PRH1: variants seen among roughly 807,000 people sequenced by gnomAD.
PRH1 encodes proline rich protein HaeIII subfamily 1.
A neutral mutation model predicts 7.9 loss-of-function variants in PRH1; 7 were observed. That is an observed-to-expected ratio of 0.89 (90% CI 0.50 to 1.67). The LOEUF (loss-of-function observed/expected upper bound fraction) is 1.67. Ranked by LOEUF, PRH1 falls within the 40% of genes most tolerant of loss-of-function variation. The pLI is 0.00. For synonymous variants in PRH1, 45 were observed against 80.8 expected, an observed-to-expected ratio of 0.56 and a Z score of 2.38; for missense variants, 109 against 223.6, an observed-to-expected ratio of 0.49 and a Z score of 3.27.
chr12:11,081,307 T>C, intron 1 of PRH1, among the ~76,000 whole-genome samples: 1 of 118,932 alleles, frequency 8.4e-6, no homozygotes, highest in Non-Finnish European at 2.0e-5. Flanking sequence ...TTTTTCAGTC[T>C]TATTCTTTTA....
chr12:10,938,067 G>T (rs1490803891), intron 2 of PRH1: 3 of 479,664 alleles, frequency 6.3e-6, no homozygotes, highest in Admixed American at 7.6e-5. Flanking sequence ...TATAGTATTC[G>T]CATTCTTCTC....
chr12:11,044,074 G>C (rs1223202997), intron 1 of PRH1, among the ~76,000 whole-genome samples: 1 of 152,114 alleles, frequency 6.6e-6, no homozygotes, highest in Admixed American at 6.5e-5. Flanking sequence ...AAAACAGCAT[G>C]TTACTGGCAT....
rs1255325093 is a variant in PRH1 at position 11,136,841 on chromosome 12, C to T, written n.40-15661G>A. ...TTCAAGACCAGCCTGTGCAATACACCGAAACTCCCTCTACAATAAATGAAA... is the reference window on the plus strand; with the variant it reads ...TTCAAGACCAGCCTGTGCAATACACTGAAACTCCCTCTACAATAAATGAAA... On this transcript the variant is annotated intron_variant and non_coding_transcript_variant, in intron 1 of 1. Transcript: ENST00000541175. 5.3e-5 allele frequency among the ~76,000 whole-genome samples: 8 copies of T among 152,086 alleles called. No homozygotes were observed. The South Asian group carries it at 1.0e-3, about 20-fold the overall frequency.
chr12:11,119,804 T>A (rs1945841205), downstream of PRH1, among the ~76,000 whole-genome samples: 1 of 152,198 alleles, frequency 6.6e-6, no homozygotes, highest in Non-Finnish European at 1.5e-5. Flanking sequence ...TTAGATTCAG[T>A]GACTTCATGA....
At chr12:10,977,460 C>T (rs182712464) in intron 1 of PRH1, among the ~76,000 whole-genome samples, 2 of 152,162 alleles carry the variant, frequency 1.3e-5, no homozygotes, top group African/African-American at 2.4e-5. Flanking sequence ...CACATCATAC[C>T]GAATGAGCAA....
At chr12:10,902,707 G>A (rs1324534763) in intron 2 of PRH1, among the ~76,000 whole-genome samples, 2 of 152,100 alleles carry the variant, frequency 1.3e-5, no homozygotes, top group African/African-American at 4.8e-5. Context: ...GAGATTGGAG[G>A]CCTACTTTCA....
chr12:11,001,917 T>A (rs1159642273), intron 1 of PRH1, among the ~76,000 whole-genome samples: 1 of 152,148 alleles, frequency 6.6e-6, no homozygotes, highest in East Asian at 1.9e-4. Context: ...AAACCTTCAC[T>A]TTAGAAGTAA....
At position 11,074,107 on chromosome 12, in the gene PRH1, G is replaced by A. The variant is rs1289668723; in HGVS notation, n.124-26919C>T. The stretch of plus-strand genomic sequence containing the variant: ...TGACTCTCTCCTGTTCCCATGGTCA[G>A]CACCTTGCCTGATCCAGATCACCTT... On this transcript the variant is annotated intron_variant and non_coding_transcript_variant, in intron 1 of 4. Transcript: ENST00000541977. 2.0e-5 allele frequency among the ~76,000 whole-genome samples: 3 copies of A among 147,584 alleles called. 1 individual carries two copies. Among genetic ancestry groups the A allele is most frequent in the African/African-American group, 7.5e-5 (3 of 40,168 alleles).
At chr12:11,133,419 G>A in intron 1 of PRH1, 1 of 1,613,932 alleles carries the variant, frequency 6.2e-7, no homozygotes, top group Non-Finnish European at 8.5e-7. Flanking sequence ...AGGATGAATG[G>A]GTGGGTTGAA....
intron 2 of PRH1, among the ~76,000 whole-genome samples, chr12:10,934,361 G>A (rs1230335613): frequency 2.0e-5 from 3 of 152,246 alleles, no homozygotes; most frequent in Admixed American, 2.0e-4. Context: ...TCTGGAGATA[G>A]TCAAAGCTGT....
chr12:10,918,370 T>C (rs1006481934), intron 2 of PRH1, among the ~76,000 whole-genome samples: 1 of 152,034 alleles, frequency 6.6e-6, no homozygotes, highest in East Asian at 1.9e-4. Flanking sequence ...ACCCCAGAAC[T>C]TAATAAATAA....
chr12:11,077,351 T>C, intron 1 of PRH1: 1 of 368,108 alleles, frequency 2.7e-6, no homozygotes, highest in South Asian at 3.7e-5. Context: ...ACTAAGCATG[T>C]GACCTGACAT....
intron 1 of PRH1, among the ~76,000 whole-genome samples, chr12:11,074,951 T>C (rs1944234182): frequency 8.3e-6 from 1 of 119,944 alleles, no homozygotes; most frequent in Non-Finnish European, 2.0e-5. Context: ...CTCACCTCAT[T>C]GTGAAGTGAC....
At chr12:10,893,208 C>G (rs1949600313) in intron 2 of PRH1, among the ~76,000 whole-genome samples, 1 of 152,142 alleles carries the variant, frequency 6.6e-6, no homozygotes, top group Admixed American at 6.6e-5. Context: ...GTACAGTTAT[C>G]AGGTAAAATA....
chr12:10,997,937 T>C, intron 1 of PRH1: 1 of 1,067,894 alleles, frequency 9.4e-7, no homozygotes, highest in Non-Finnish European at 1.3e-6. Context: ...ACTCCTCTGA[T>C]ATTCAAGACT....
chr12:11,136,678 T>C (rs772254255), intron 1 of PRH1, among the ~76,000 whole-genome samples: 4 of 152,182 alleles, frequency 2.6e-5, no homozygotes, highest in Non-Finnish European at 5.9e-5. Flanking sequence ...TATGCACATA[T>C]TTATCACTTT....
At chr12:10,986,026 G>T (rs774374218) in intron 1 of PRH1, 3 of 1,613,848 alleles carry the variant, frequency 1.9e-6, no homozygotes, top group Non-Finnish European at 2.5e-6. Context: ...CTCCAAATTA[G>T]GATGAATGAG....
chr12:11,043,956 G>A (rs375599101), intron 1 of PRH1, among the ~76,000 whole-genome samples: 52 of 152,186 alleles, frequency 3.4e-4, no homozygotes, highest in Non-Finnish European at 5.9e-4. Context: ...AAATTTATAT[G>A]GAGCCACAAC....
intron 1 of PRH1, among the ~76,000 whole-genome samples, chr12:11,108,274 AAC>A (rs1451812729): frequency 6.6e-6 from 1 of 152,230 alleles, no homozygotes; most frequent in Non-Finnish European, 1.5e-5. Flanking sequence ...GGAGACAGAA[AAC>A]ACAGACTAAT....
Sources: gnomAD v4.1 joint callset for allele counts (sites outside exome capture counted in the v4.1 genomes callset) on GRCh38, gnomAD v4.1.1 for gene constraint, MANE v1.5 for transcripts, NCBI Gene and HGNC (gene_info 2026-07-23, HGNC 2026-07-21) for gene names.